Variants in STK35 observed in about 807,000 individuals in gnomAD.
The protein encoded by STK35 is serine/threonine kinase 35, also known as serine/threonine-protein kinase 35.
In STK35, 17 loss-of-function variants were observed where a neutral mutation model predicts 37.3. The ratio of observed to expected loss-of-function variants is 0.46; its 90% CI spans 0.31 to 0.68. STK35 has a LOEUF of 0.68. STK35 is among the 30% of genes least tolerant of loss of function. The pLI, the probability that STK35 is intolerant of heterozygous loss-of-function variation, is 0.05. For missense variants in STK35, 595 were observed against 746.7 expected (o/e 0.80, Z 2.37); for synonymous variants, 385 against 319.1 (o/e 1.21, Z -2.20).
intron 2 of STK35, among the ~76,000 whole-genome samples, chr20:2,105,688 TAGGG>T (rs1354119177): frequency 1.4e-5 from 2 of 144,316 alleles, no homozygotes; most frequent in South Asian, 2.4e-4. Context: ...GTGCTCCACA[TAGGG>T]AGGAATTCAC....
At chr20:2,126,604 G>A (rs1985910802) in intron 3 of STK35, among the ~76,000 whole-genome samples, 1 of 152,130 alleles carries the variant, frequency 6.6e-6, no homozygotes, top group Non-Finnish European at 1.5e-5. Flanking sequence ...TCTTGATTAG[G>A]GCAGCCGCAT....
chr20:2,125,464 C>T (rs536598132), intron 3 of STK35, among the ~76,000 whole-genome samples: 73 of 152,314 alleles, frequency 4.8e-4, no homozygotes, highest in South Asian at 1.0e-3. Context: ...GGATTTGAGA[C>T]GAGATGTATC....
chr20:2,102,588 G>T (rs993725348), intron 1 of STK35, among the ~76,000 whole-genome samples, 180 bp from the exon 2 acceptor site: 1 of 152,248 alleles, frequency 6.6e-6, no homozygotes, highest in Admixed American at 6.5e-5. Context: ...CCTCTGAGCT[G>T]CTGCCCAGTG....
At chr20:2,115,948 A>T (rs2122552649) in intron 2 of STK35, among the ~76,000 whole-genome samples, 1 of 152,070 alleles carries the variant, frequency 6.6e-6, no homozygotes, top group African/African-American at 2.4e-5. Flanking sequence ...GTACATTCAG[A>T]TCTGGCGACT....
intron 3 of STK35, 36 bp from the exon 4 acceptor site, chr20:2,143,748 C>T (rs1253426282): frequency 5.6e-6 from 2 of 357,146 alleles, no homozygotes; most frequent in African/African-American, 2.2e-5. Flanking sequence ...GGCCTGCTGA[C>T]CAATGTCCCC....
At chr20:2,141,204 G>A (rs1044801565) in intron 3 of STK35, among the ~76,000 whole-genome samples, 10 of 152,236 alleles carry the variant, frequency 6.6e-5, no homozygotes, top group Non-Finnish European at 1.3e-4. Flanking sequence ...AATAGAGCTA[G>A]AGTTTGAGAT....
At chr20:2,137,584 G>T (rs906516500) in intron 3 of STK35, among the ~76,000 whole-genome samples, 1 of 152,106 alleles carries the variant, frequency 6.6e-6, no homozygotes, top group Non-Finnish European at 1.5e-5. Flanking sequence ...CTGTATACCC[G>T]AAGACTGAAA....
At chr20:2,111,504 C>T (rs1387209820) in intron 2 of STK35, among the ~76,000 whole-genome samples, 1 of 151,972 alleles carries the variant, frequency 6.6e-6, no homozygotes, top group Non-Finnish European at 1.5e-5. Context: ...CAAGACCAGC[C>T]CGGGCAACAT....
In STK35 at chr20:2,103,058, C is replaced by G; in HGVS notation, c.585C>G (p.Gly195=). The change falls in exon 2 of 4, where the codon GGC becomes GGG. Residue 195 remains glycine, a synonymous_variant. Transcript: ENST00000381482. ...FLARRRPEGG[G]GSARPRYSLL... is the part of the protein sequence containing the mutation. The stretch of plus-strand genomic sequence containing the variant: ...CGCGGCGACGGCCTGAGGGCGGTGG[C>G]GGGTCCGCGCGGCCGCGTTACAGCC... 6.4e-7 allele frequency: 1 copy of G among 1,564,030 alleles called. No individual in the cohort carries two copies. The highest frequency in any genetic ancestry group is 8.6e-7 in the Non-Finnish European group (1 of 1,164,020).
chr20:2,132,367 C>T (rs980174693), intron 3 of STK35, among the ~76,000 whole-genome samples: 4 of 152,254 alleles, frequency 2.6e-5, no homozygotes, highest in Admixed American at 2.0e-4. Context: ...GGCCATAGCA[C>T]GTCCAAAGAC....
intron 3 of STK35, among the ~76,000 whole-genome samples, chr20:2,121,268 C>T (rs983165752): frequency 6.6e-6 from 1 of 152,116 alleles, no homozygotes; most frequent in Middle Eastern, 3.2e-3. Flanking sequence ...GAGGCTGTTG[C>T]AATAATCCAG....
intron 3 of STK35, among the ~76,000 whole-genome samples, chr20:2,118,513 C>T (rs1423393184): frequency 6.6e-6 from 1 of 151,878 alleles, no homozygotes; most frequent in Admixed American, 6.6e-5. Context: ...ACCCGGGAGG[C>T]GGAGCTTGCA....
intron 3 of STK35, among the ~76,000 whole-genome samples, chr20:2,123,633 A>G (rs566012328): frequency 6.6e-6 from 1 of 152,364 alleles, no homozygotes; most frequent in African/African-American, 2.4e-5. Context: ...CAAGTTAATC[A>G]GCAGTGATAC....
At chr20:2,112,798 G>A (rs1985644890) in intron 2 of STK35, among the ~76,000 whole-genome samples, 1 of 152,198 alleles carries the variant, frequency 6.6e-6, no homozygotes. Flanking sequence ...CTCTGGGAAG[G>A]AAGCTAAATT....
intron 3 of STK35, among the ~76,000 whole-genome samples, chr20:2,137,970 G>A (rs1295778529): frequency 6.6e-5 from 10 of 152,232 alleles, no homozygotes; most frequent in African/African-American, 2.4e-4. Context: ...TCCACAGCAC[G>A]ATATGCTGAA....
In STK35 at chr20:2,116,783, A is replaced by G; in HGVS notation, c.1010A>G (p.Asn337Ser). Residue 337 changes from asparagine to serine, a missense_variant, in exon 3 of 4, where the codon AAC becomes AGC. Around this residue, in one of 3 missense-constraint regions of STK35, gnomAD observed 109 missense variants for 280.3 expected, o/e 0.39. Transcript: ENST00000381482. Reference sequence around the variant, plus strand: ...TCCCGGAGGCCAGACCCAGCCACCAACAAAAGTTTCATGCTACAGCTGACG... The same window carrying G: ...TCCCGGAGGCCAGACCCAGCCACCAGCAAAAGTTTCATGCTACAGCTGACG... ...VLSRRPDPATNKSFMLQLTSA... is the reference protein window; with the variant it reads ...VLSRRPDPATSKSFMLQLTSA... The G allele has an allele frequency of 1.2e-6, 2 of 1,614,210 alleles. No homozygotes were observed. The highest frequency in any genetic ancestry group is 1.7e-6 in the Non-Finnish European group (2 of 1,180,038).
At chr20:2,125,227 C>G (rs1011371609) in intron 3 of STK35, among the ~76,000 whole-genome samples, 1 of 152,176 alleles carries the variant, frequency 6.6e-6, no homozygotes, top group Non-Finnish European at 1.5e-5. Context: ...TTTCCTCTTA[C>G]CCCAGGGACG....
chr20:2,130,935 C>G (rs1347335108), intron 3 of STK35, among the ~76,000 whole-genome samples: 4 of 152,180 alleles, frequency 2.6e-5, no homozygotes, highest in Non-Finnish European at 5.9e-5. Flanking sequence ...TGCCTGCTCA[C>G]CAGACCCCCT....
Position 2,109,391 on chromosome 20 carries a change from A to G in STK35, c.892+6026A>G, listed in dbSNP as rs117194990. Reference sequence around the variant, plus strand: ...GCCTGGCTGGTGGATTCTACATTTTAACAAACCCCTGTAATGTTCCAAGTA... The same window carrying G: ...GCCTGGCTGGTGGATTCTACATTTTGACAAACCCCTGTAATGTTCCAAGTA... On this transcript the variant is annotated intron_variant, in intron 2 of 3. Transcript: ENST00000381482. Among the ~76,000 whole-genome samples the G allele has an allele frequency of 4.9e-3, 741 of 152,358 alleles. 7 individuals carry two copies. Among genetic ancestry groups the G allele is most frequent in the Non-Finnish European group, 4.4e-3 (302 of 68,028 alleles).
Sources: gnomAD v4.1 joint callset for allele counts (sites outside exome capture counted in the v4.1 genomes callset) on GRCh38, gnomAD v4.1.1 for gene constraint, gnomAD v4.1.1 regional missense constraint, MANE v1.5 for transcripts, NCBI Gene and HGNC (gene_info 2026-07-23, HGNC 2026-07-21) for gene names.